PLCB1: variants seen among roughly 807,000 people sequenced by gnomAD.
PLCB1 encodes the protein 1-phosphatidylinositol 4,5-bisphosphate phosphodiesterase beta-1.
A neutral mutation model predicts 161.8 loss-of-function variants in PLCB1; 46 were observed. That is an observed-to-expected ratio of 0.28 (90% CI 0.22 to 0.36). The LOEUF is 0.36. Ranked by LOEUF, PLCB1 falls within the 10% of genes least tolerant of loss-of-function variation. PLCB1 has a pLI of 1.00. For synonymous variants in PLCB1, 517 were observed against 503.7 expected (o/e 1.03, Z -0.35); for missense variants, 1,016 against 1,472.5 (o/e 0.69, Z 5.07).
intron 10 of PLCB1, among the ~76,000 whole-genome samples, chr20:8,694,198 T>C (rs1990538307): frequency 6.6e-6 from 1 of 152,190 alleles, no homozygotes; most frequent in Non-Finnish European, 1.5e-5. Context: ...TATGAATACA[T>C]GTGTTTGAAA....
chr20:8,300,248 A>G (rs920556178), intron 2 of PLCB1, among the ~76,000 whole-genome samples: 12 of 152,206 alleles, frequency 7.9e-5, no homozygotes, highest in African/African-American at 2.9e-4. Flanking sequence ...TATTTGTTCA[A>G]TGCTCTGGTG....
intron 2 of PLCB1, among the ~76,000 whole-genome samples, chr20:8,206,244 A>G (rs943749215): frequency 2.0e-5 from 3 of 152,108 alleles, no homozygotes; most frequent in Admixed American, 6.6e-5. Context: ...TTCTTTCAGC[A>G]TTTCTCATCC....
intron 31 of PLCB1, among the ~76,000 whole-genome samples, chr20:8,804,081 C>T (rs556514393): frequency 2.0e-5 from 3 of 152,056 alleles, no homozygotes; most frequent in South Asian, 2.1e-4. Context: ...GTGTGAGCCA[C>T]GGTGCCTGGC....
At chr20:8,759,896 A>ATTTTTTTTTTTTTTTTTTT (rs3033840) in intron 24 of PLCB1, among the ~76,000 whole-genome samples, 2 of 78,260 alleles carry the variant, frequency 2.6e-5, no homozygotes, top group African/African-American at 1.0e-4. Context: ...ATAATATCAC[A>ATTTTTTTTTTTTTTTTTTT]TTTTTTTTTT....
chr20:8,626,007 G>A (rs531732837), intron 3 of PLCB1, among the ~76,000 whole-genome samples: 4 of 151,836 alleles, frequency 2.6e-5, no homozygotes, highest in South Asian at 2.1e-4. Context: ...GAGAAATCCC[G>A]TCTCCACTAA....
intron 2 of PLCB1, among the ~76,000 whole-genome samples, chr20:8,355,183 G>C (rs1046292565): frequency 2.0e-5 from 3 of 151,472 alleles, no homozygotes; most frequent in African/African-American, 7.3e-5. Context: ...AATATCCCAT[G>C]TGCTTGTGAC....
chr20:8,320,310 C>G (rs548625245), intron 2 of PLCB1, among the ~76,000 whole-genome samples: 27 of 152,258 alleles, frequency 1.8e-4, no homozygotes, highest in South Asian at 4.1e-4. Context: ...GCAGTTAATA[C>G]TATTTGTTAC....
At chr20:8,851,757 C>T (rs928946242) in intron 31 of PLCB1, among the ~76,000 whole-genome samples, 7 of 146,338 alleles carry the variant, frequency 4.8e-5, no homozygotes, top group Non-Finnish European at 8.9e-5. Context: ...TTCTGAGTGT[C>T]ATCATTTAGG....
intron 3 of PLCB1, among the ~76,000 whole-genome samples, chr20:8,432,024 T>C (rs1364036931): frequency 1.3e-5 from 2 of 151,946 alleles, no homozygotes; most frequent in Non-Finnish European, 2.9e-5. Flanking sequence ...CTCTTCTTTG[T>C]ATGTGGTGGT....
intron 31 of PLCB1, chr20:8,802,117 A>C: frequency 6.3e-7 from 1 of 1,590,442 alleles, no homozygotes; most frequent in Non-Finnish European, 8.6e-7. Flanking sequence ...GTTTCCCCCA[A>C]CTTTACTCCC....
intron 31 of PLCB1, among the ~76,000 whole-genome samples, chr20:8,834,810 GAAAAAAAA>G (rs10568816): frequency 1.2e-5 from 1 of 85,602 alleles, no homozygotes; most frequent in Non-Finnish European, 2.3e-5. Context: ...CTCTGCCTCA[GAAAAAAAA>G]AAAAAAAAAA....
intron 24 of PLCB1, among the ~76,000 whole-genome samples, chr20:8,759,195 T>C (rs1487710436): frequency 6.6e-6 from 1 of 152,192 alleles, no homozygotes; most frequent in Non-Finnish European, 1.5e-5. Context: ...ATGATTAGGT[T>C]GAGGGCATGC....
chr20:8,733,474 A>T, intron 19 of PLCB1, 82 bp downstream of exon 19: 1 of 1,182,262 alleles, frequency 8.5e-7, no homozygotes, highest in South Asian at 1.4e-5. Context: ...CTTAGTCATT[A>T]AAAATTTAGT....
At chr20:8,544,274 G>A (rs1318462831) in intron 3 of PLCB1, among the ~76,000 whole-genome samples, 3 of 152,196 alleles carry the variant, frequency 2.0e-5, no homozygotes, top group Non-Finnish European at 4.4e-5. Context: ...GTGGGTATGT[G>A]AGCATGTGCA....
At chr20:8,357,166 T>G (rs1986388565) in intron 2 of PLCB1, among the ~76,000 whole-genome samples, 1 of 152,172 alleles carries the variant, frequency 6.6e-6, no homozygotes, top group African/African-American at 2.4e-5. Context: ...TATTTAAGCT[T>G]CAAAAAAGAT....
rs369249137 is a variant in PLCB1 at position 8,829,090 on chromosome 20, T to C, written c.3423+38829T>C. 1.8e-4 allele frequency among the ~76,000 whole-genome samples: 28 copies of C among 152,342 alleles called. No homozygotes were observed. The East Asian group carries it at 5.2e-3, about 28-fold the overall frequency. On this transcript the variant is annotated intron_variant, in intron 31 of 31. Coordinates refer to ENST00000338037, the MANE Select transcript of PLCB1 (RefSeq NM_015192.4). ...GGGTGGAATCTATGTGGTAGGTATA[T>C]GGGTGTCCACTGTAAAATGATTTCA...
chr20:8,408,337 C>T (rs1163984974), intron 3 of PLCB1, among the ~76,000 whole-genome samples: 1 of 151,736 alleles, frequency 6.6e-6, no homozygotes, highest in Admixed American at 6.6e-5. Context: ...TACCGGGGGC[C>T]AGGAGTTCAA....
At chr20:8,290,662 A>T (rs1449220313) in intron 2 of PLCB1, among the ~76,000 whole-genome samples, 4 of 152,148 alleles carry the variant, frequency 2.6e-5, no homozygotes, top group African/African-American at 9.7e-5. Flanking sequence ...TGGCAAGGGG[A>T]TATAGACAGA....
chr20:8,477,231 G>A (rs1600096102), intron 3 of PLCB1, among the ~76,000 whole-genome samples: 2 of 152,148 alleles, frequency 1.3e-5, no homozygotes, highest in Non-Finnish European at 1.5e-5. Flanking sequence ...CAATTCCAAC[G>A]CATGTTCAAT....
Sources: gnomAD v4.1 joint callset for allele counts (sites outside exome capture counted in the v4.1 genomes callset) on GRCh38, gnomAD v4.1.1 for gene constraint, MANE v1.5 for transcripts, NCBI Gene and HGNC (gene_info 2026-07-23, HGNC 2026-07-21) for gene names.